ROBO2: variants seen among roughly 807,000 people sequenced by gnomAD.
ROBO2 encodes the protein roundabout homolog 2.
In ROBO2, 53 loss-of-function variants were observed where a neutral mutation model predicts 160.8. The ratio of observed to expected loss-of-function variants is 0.33; its 90% confidence interval spans 0.26 to 0.41. ROBO2 has a LOEUF of 0.41. Among genes scored for constraint, ROBO2 ranks in the 10% least tolerant of loss-of-function variants. ROBO2 has a pLI of 1.00. For missense variants in ROBO2, 1,577 were observed against 1,722.4 expected (o/e 0.92, Z 1.49); for synonymous variants, 664 against 611.7 (o/e 1.09, Z -1.26).
At chr3:76,109,417 A>C (rs140320224) in intron 2 of ROBO2, among the ~76,000 whole-genome samples, 1 of 152,014 alleles carries the variant, frequency 6.6e-6, no homozygotes, top group Admixed American at 6.6e-5. Context: ...TACCACTACT[A>C]CTAATAATAC....
Position 76,106,062 on chromosome 3 carries a change from G to C in ROBO2, c.109+168460G>C, listed in dbSNP as rs538472243. On this transcript the variant is annotated intron_variant, in intron 2 of 26. Transcript: ENST00000487694. The stretch of plus-strand genomic sequence containing the variant: ...CTGTGCCACTTTTAGAAATGTCTAA[G>C]TTAAATGATCTCTCGAGATAATGTT... Among the ~76,000 whole-genome samples, 84 of 152,236 alleles carry C rather than the reference G, an allele frequency of 5.5e-4. 2 individuals are homozygous for C. The highest frequency in any genetic ancestry group is 3.4e-3 in the Middle Eastern group (1 of 294).
intron 2 of ROBO2, among the ~76,000 whole-genome samples, chr3:76,621,363 T>C (rs1267951081): frequency 2.0e-5 from 3 of 152,230 alleles, no homozygotes; most frequent in South Asian, 4.1e-4. Flanking sequence ...ATACATTCAG[T>C]GCATAACTGC....
intron 2 of ROBO2, among the ~76,000 whole-genome samples, chr3:76,909,006 T>C (rs867892450): frequency 2.6e-5 from 4 of 152,186 alleles, no homozygotes; most frequent in Non-Finnish European, 2.9e-5. Context: ...GCAGGGAGAA[T>C]TGCTTAAGGC....
intron 2 of ROBO2, among the ~76,000 whole-genome samples, chr3:76,787,239 T>C (rs1309541872): frequency 6.6e-6 from 1 of 151,172 alleles, no homozygotes; most frequent in East Asian, 2.0e-4. Context: ...AAAATTTTAC[T>C]TATGGACAGT....
chr3:77,131,926 G>A (rs925726310), intron 2 of ROBO2, among the ~76,000 whole-genome samples: 14 of 152,078 alleles, frequency 9.2e-5, no homozygotes, highest in Admixed American at 8.5e-4. Context: ...GTGAGTAGCT[G>A]TGTTGTTTTA....
At chr3:77,644,884 G>A in exon 25 of ROBO2, 1 of 1,614,084 alleles carries the variant, frequency 6.2e-7, no homozygotes, top group South Asian at 1.1e-5. Flanking sequence ...AACAGTCAAG[G>A]ACAGTTTACA....
intron 2 of ROBO2, among the ~76,000 whole-genome samples, chr3:76,515,903 C>T (rs112901385): frequency 0.013 from 1,921 of 152,246 alleles, 33 homozygotes; most frequent in African/African-American, 0.043. Context: ...CTCATTTTCT[C>T]CCAGCTTCAC....
At chr3:77,445,735 T>G (rs928152691) in intron 2 of ROBO2, among the ~76,000 whole-genome samples, 15 of 151,886 alleles carry the variant, frequency 9.9e-5, no homozygotes, top group African/African-American at 3.6e-4. Flanking sequence ...TTTGTCTAAT[T>G]AATTGTAGTA....
intron 2 of ROBO2, among the ~76,000 whole-genome samples, chr3:76,444,473 C>G (rs2077073658): frequency 6.6e-6 from 1 of 152,126 alleles, no homozygotes; most frequent in African/African-American, 2.4e-5. Flanking sequence ...AATTGGCTTA[C>G]ATTTCAGCAT....
chr3:77,383,672 G>T (rs1242520201), intron 2 of ROBO2, among the ~76,000 whole-genome samples: 3 of 152,114 alleles, frequency 2.0e-5, no homozygotes, highest in African/African-American at 7.2e-5. Context: ...TAACCTAAAA[G>T]CTGTTAACTT....
At chr3:76,558,717 A>G (rs2083967695) in intron 2 of ROBO2, among the ~76,000 whole-genome samples, 2 of 152,114 alleles carry the variant, frequency 1.3e-5, no homozygotes. Context: ...ACAAACAATA[A>G]CTGTAAGATG....
chr3:76,319,949 G>C (rs532095853), intron 2 of ROBO2, among the ~76,000 whole-genome samples: 20 of 152,140 alleles, frequency 1.3e-4, no homozygotes, highest in East Asian at 9.6e-4. Context: ...AGGATTAGAG[G>C]GGGGAAGGCA....
At chr3:77,077,546 G>A (rs565122418) in intron 1 of ROBO2, among the ~76,000 whole-genome samples, 6 of 152,278 alleles carry the variant, frequency 3.9e-5, no homozygotes, top group South Asian at 4.1e-4. Context: ...GCTGGGGTGC[G>A]TCTTGGCACT....
At chr3:77,407,567 G>A (rs1379918332) in intron 2 of ROBO2, among the ~76,000 whole-genome samples, 1 of 152,152 alleles carries the variant, frequency 6.6e-6, no homozygotes, top group Non-Finnish European at 1.5e-5. Context: ...TAGCTATCTT[G>A]CCTACTGGCC....
intron 2 of ROBO2, among the ~76,000 whole-genome samples, chr3:77,392,560 G>T (rs2074848886): frequency 6.6e-6 from 1 of 152,106 alleles, no homozygotes; most frequent in Admixed American, 6.5e-5. Context: ...TATTGTGGAG[G>T]TATTTGCAAT....
chr3:76,969,398 G>C (rs773108711), intron 2 of ROBO2, among the ~76,000 whole-genome samples: 60 of 152,124 alleles, frequency 3.9e-4, no homozygotes, highest in South Asian at 8.3e-4. Context: ...ACTGATCTTT[G>C]TTGCAAGAGA....
chr3:76,027,845 A>G (rs1168163924), intron 2 of ROBO2, among the ~76,000 whole-genome samples: 1 of 151,986 alleles, frequency 6.6e-6, no homozygotes, highest in Non-Finnish European at 1.5e-5. Context: ...TTTAAGTAGA[A>G]ATCCTCTATT....
At chr3:76,256,245 G>A in intron 2 of ROBO2, among the ~76,000 whole-genome samples, 1 of 148,712 alleles carries the variant, frequency 6.7e-6, no homozygotes, top group East Asian at 2.0e-4. Flanking sequence ...AGGAAGTCAG[G>A]GATGCAGTGA....
At chr3:77,034,566 C>T (rs115731185) in intron 2 of ROBO2, among the ~76,000 whole-genome samples, 2,325 of 151,850 alleles carry the variant, frequency 0.015, 36 homozygotes, top group African/African-American at 0.039. Flanking sequence ...GGATTAATTC[C>T]GTGATAGTAT....
Sources: allele counts gnomAD v4.1 joint callset (sites outside exome capture counted in the v4.1 genomes callset), GRCh38; gene constraint gnomAD v4.1.1; transcripts MANE v1.5; gene names NCBI Gene and HGNC (gene_info 2026-07-23, HGNC 2026-07-21).